The following SNX8 variants were observed in gnomAD, a reference collection of about 807,000 sequenced individuals.
The protein encoded by SNX8 is sorting nexin-8.
Under a neutral mutation model 51.6 loss-of-function variants are expected in SNX8, and 25 were observed. The observed-to-expected ratio is 0.48, with a 90% CI of 0.35 to 0.68. SNX8 has a LOEUF of 0.68. Ranked by LOEUF, SNX8 falls within the 30% of genes least tolerant of loss-of-function variation. SNX8 has a pLI of 0.00. For synonymous variants in SNX8, 324 were observed against 277.0 expected, an observed-to-expected ratio of 1.17 and a Z score of -1.68; for missense variants, 695 against 624.0, an observed-to-expected ratio of 1.11 and a Z score of -1.21.
intron 1 of SNX8, among the ~76,000 whole-genome samples, chr7:2,341,104 G>C (rs1055125445): frequency 1.3e-5 from 2 of 151,092 alleles, no homozygotes; most frequent in African/African-American, 4.9e-5. Flanking sequence ...CAAGTGGTTG[G>C]GGCTGCAACA....
At chr7:2,351,290 G>A (rs1779134060) in intron 1 of SNX8, among the ~76,000 whole-genome samples, 1 of 152,166 alleles carries the variant, frequency 6.6e-6, no homozygotes, top group Non-Finnish European at 1.5e-5. Context: ...AGGCCTGCTG[G>A]CTCATGCCTG....
At chr7:2,340,856 C>CAAA (rs71026503) in intron 1 of SNX8, among the ~76,000 whole-genome samples, 14 of 45,126 alleles carry the variant, frequency 3.1e-4, no homozygotes, top group Non-Finnish European at 4.4e-4. Context: ...GGCTGCTTCT[C>CAAA]AAAAAAAAAA....
intron 3 of SNX8, among the ~76,000 whole-genome samples, chr7:2,273,447 G>A (rs149961492): frequency 0.024 from 3,638 of 151,752 alleles, 129 homozygotes; most frequent in African/African-American, 0.082. Flanking sequence ...TTAGCCAGGC[G>A]TGGTGGCGGG....
chr7:2,311,112 G>T (rs1562452753), intron 1 of SNX8, among the ~76,000 whole-genome samples: 2 of 152,154 alleles, frequency 1.3e-5, no homozygotes, highest in African/African-American at 4.8e-5. Context: ...AAGCTTCAAA[G>T]AATTCAAATA....
At chr7:2,291,710 C>T (rs1796155950) in intron 1 of SNX8, among the ~76,000 whole-genome samples, 1 of 152,156 alleles carries the variant, frequency 6.6e-6, no homozygotes, top group African/African-American at 2.4e-5. Context: ...AAGCTCAGTT[C>T]AAACCCCACT....
At chr7:2,353,744 A>T (rs1400501196) in intron 1 of SNX8, among the ~76,000 whole-genome samples, 1 of 151,748 alleles carries the variant, frequency 6.6e-6, no homozygotes, top group Non-Finnish European at 1.5e-5. Context: ...TCTGGGTACC[A>T]CCTGTTTTAT....
rs1198842676 is a variant in SNX8 at position 2,257,524 on chromosome 7, C to CG, written c.985-11dup. On this transcript the variant is annotated splice_polypyrimidine_tract_variant and intron_variant, in intron 8 of 10. Transcript: ENST00000222990. The stretch of plus-strand genomic sequence containing the variant: ...GCCGCTCGCACAGGTCCTGCGGGGC[C>CG]GGGGGAGGCATTCGCCCGCTGTCTG... 13 of 1,600,402 alleles carry CG rather than the reference C, an allele frequency of 8.1e-6. No homozygotes were observed. Among genetic ancestry groups the CG allele is most frequent in the Non-Finnish European group, 9.3e-6 (11 of 1,177,584 alleles).
rs983889460 is a variant in SNX8 at position 2,343,952 on chromosome 7, G to C, written c.-66+10270C>G. Among the ~76,000 whole-genome samples the C allele has an allele frequency of 3.3e-5, 5 of 150,594 alleles. No individual in the cohort carries two copies. In the East Asian group the frequency reaches 7.8e-4, roughly 24 times the overall value. Reference sequence around the variant, plus strand: ...GGAGGCTGAGGGAGGAGAATCGCTTGAACTGGGGAGGTGGAGGTTTCAGTG... The same window carrying C: ...GGAGGCTGAGGGAGGAGAATCGCTTCAACTGGGGAGGTGGAGGTTTCAGTG... On this transcript the variant is annotated intron_variant, in intron 1 of 5. Transcript: ENST00000435336.
chr7:2,308,561 G>T (rs1343793086), intron 1 of SNX8, among the ~76,000 whole-genome samples: 1 of 151,506 alleles, frequency 6.6e-6, no homozygotes, highest in Non-Finnish European at 1.5e-5. Context: ...CCAACTACGG[G>T]GGAGACTGAG....
intron 1 of SNX8, among the ~76,000 whole-genome samples, chr7:2,282,610 A>G (rs1398903221): frequency 1.3e-5 from 2 of 152,212 alleles, no homozygotes; most frequent in Non-Finnish European, 2.9e-5. Context: ...AACAACACAG[A>G]GCAGGTGAGC....
At chr7:2,272,555 T>A (rs1795675263) in intron 3 of SNX8, among the ~76,000 whole-genome samples, 1 of 151,996 alleles carries the variant, frequency 6.6e-6, no homozygotes, top group South Asian at 2.1e-4. Context: ...TTTGTATTTT[T>A]AGTAGAGATG....
Position 2,263,314 on chromosome 7 carries a change from A to G in SNX8, c.831T>C (p.Asn277=), listed in dbSNP as rs1403651720. The G allele has an allele frequency of 4.3e-6, 7 of 1,613,470 alleles. No individual in the cohort carries two copies. The highest frequency in any genetic ancestry group is 5.9e-6 in the Non-Finnish European group (7 of 1,179,836). ...GCTTCAGGGACCCCCACGTGCTGCT[A>G]TTCAGAGCGGCCCAGGAGGGCAGCG... The part of the protein sequence containing the change: ...TTPLPSWAAL[N]SSTWGSLKQA... The change falls in exon 7 of 11, where the codon AAT becomes AAC. Residue 277 remains asparagine, a synonymous_variant. Coordinates refer to ENST00000222990, the MANE Select transcript of SNX8 (RefSeq NM_013321.4).
chr7:2,289,775 G>A (rs191284334), intron 1 of SNX8, among the ~76,000 whole-genome samples: 6 of 152,266 alleles, frequency 3.9e-5, no homozygotes, highest in South Asian at 2.1e-4. Flanking sequence ...AAAGCCATTC[G>A]GGCCAGGCAC....
intron 1 of SNX8, among the ~76,000 whole-genome samples, chr7:2,345,206 G>A (rs1334433922): frequency 2.6e-5 from 4 of 152,018 alleles, no homozygotes; most frequent in African/African-American, 4.8e-5. Context: ...ACTTTTATAC[G>A]AATGTGAAGT....
intron 1 of SNX8, chr7:2,299,353 T>C (rs533473928): frequency 9.9e-5 from 15 of 151,926 alleles, no homozygotes; most frequent in African/African-American, 3.1e-4. Context: ...ACCGCTCAGA[T>C]GATTTCCTCT....
intron 3 of SNX8, 151 bp downstream of exon 3, chr7:2,274,961 G>T (rs1795741122): frequency 1.6e-6 from 1 of 626,758 alleles, no homozygotes; most frequent in Non-Finnish European, 2.8e-6. Flanking sequence ...TCAAGCCACA[G>T]CTCTGTCCCA....
chr7:2,312,350 A>C (rs369472207), intron 1 of SNX8, among the ~76,000 whole-genome samples: 2 of 152,262 alleles, frequency 1.3e-5, no homozygotes, highest in African/African-American at 4.8e-5. Flanking sequence ...CAGCAATGCC[A>C]AATTGCTTTA....
intron 1 of SNX8, among the ~76,000 whole-genome samples, chr7:2,353,277 G>C (rs925086650): frequency 6.6e-6 from 1 of 152,062 alleles, no homozygotes; most frequent in African/African-American, 2.4e-5. Context: ...CTGGCACTTT[G>C]GGAGGCTGAG....
intron 1 of SNX8, among the ~76,000 whole-genome samples, chr7:2,348,951 A>AAC: frequency 3.4e-5 from 2 of 59,158 alleles, no homozygotes; most frequent in African/African-American, 6.2e-5. Context: ...ACTCTGTCTC[A>AAC]AAAAAAAAAA....
Sources: gnomAD v4.1 joint callset for allele counts (sites outside exome capture counted in the v4.1 genomes callset) on GRCh38, gnomAD v4.1.1 for gene constraint, MANE v1.5 for transcripts, NCBI Gene and HGNC (gene_info 2026-07-23, HGNC 2026-07-21) for gene names.